MTMR7: variants seen among roughly 807,000 people sequenced by gnomAD.
MTMR7 encodes the protein phosphatidylinositol-3-phosphate phosphatase MTMR7.
Under a neutral mutation model 81.2 loss-of-function variants are expected in MTMR7, and 76 were observed. The ratio of observed to expected loss-of-function variants is 0.94; its 90% CI spans 0.78 to 1.13. The LOEUF (loss-of-function observed/expected upper bound fraction) is 1.13. Ranked by LOEUF, MTMR7 falls within the 50% of genes most tolerant of loss-of-function variation. The pLI is 0.00. For synonymous variants in MTMR7, 372 were observed against 289.8 expected, an observed-to-expected ratio of 1.28 and a Z score of -2.88; for missense variants, 1,044 against 820.0, an observed-to-expected ratio of 1.27 and a Z score of -3.34.
rs949454808 is a variant in MTMR7, at chr8:17,373,196, T to C, written c.69A>G (p.Ala23=). The change falls in exon 2 of 14, where the codon GCA becomes GCG. Residue 23 remains alanine, a synonymous_variant. Transcript: ENST00000180173. ...RLVDRVSPKK[A]ALGTLYLTAT... ...CCGTCAAATACAAAGTACCTAGAGC[T>C]GCTTTTTTAGGAGACACTCGATCTA... The C allele has an allele frequency of 6.2e-7, 1 of 1,613,400 alleles. No homozygotes were observed. The highest frequency in any genetic ancestry group is 8.5e-7 in the Non-Finnish European group (1 of 1,179,708).
chr8:17,374,128 A>C (rs1228189220), intron 1 of MTMR7, among the ~76,000 whole-genome samples: 1 of 152,172 alleles, frequency 6.6e-6, no homozygotes, highest in Admixed American at 6.5e-5. Context: ...CTCAAGCCAA[A>C]ATGGTATTTG....
At chr8:17,329,986 C>G (rs1818912628) in intron 7 of MTMR7, among the ~76,000 whole-genome samples, 1 of 152,186 alleles carries the variant, frequency 6.6e-6, no homozygotes. Context: ...CAAACTGTCA[C>G]AGCTGGAAGA....
At chr8:17,352,677 A>T (rs1281529152) in intron 4 of MTMR7, among the ~76,000 whole-genome samples, 3 of 152,350 alleles carry the variant, frequency 2.0e-5, no homozygotes, top group African/African-American at 7.2e-5. Flanking sequence ...ACAGAATGTG[A>T]GAAGCTATTA....
intron 1 of MTMR7, among the ~76,000 whole-genome samples, chr8:17,383,004 C>T (rs1292628135): frequency 1.1e-4 from 16 of 150,990 alleles, no homozygotes; most frequent in Admixed American, 6.6e-4. Context: ...GTCTTGAGAG[C>T]GGCTGGTGTT....
At chr8:17,354,229 G>A (rs1399002359) in intron 4 of MTMR7, among the ~76,000 whole-genome samples, 1 of 152,126 alleles carries the variant, frequency 6.6e-6, no homozygotes, top group East Asian at 1.9e-4. Flanking sequence ...AGAAGGAGGA[G>A]GTTATGAACA....
At chr8:17,387,606 T>C (rs17124483) in intron 1 of MTMR7, among the ~76,000 whole-genome samples, 10,623 of 152,284 alleles carry the variant, frequency 0.07, 1,025 homozygotes, top group African/African-American at 0.22. Flanking sequence ...GAAGAATGTA[T>C]CTATTTCCCA....
At chr8:17,359,584 T>A (rs199810698) in intron 4 of MTMR7, among the ~76,000 whole-genome samples, 3 of 135,610 alleles carry the variant, frequency 2.2e-5, no homozygotes, top group Non-Finnish European at 3.1e-5. Flanking sequence ...CCTGTTTCCT[T>A]AAAAAAAAAA....
At chr8:17,307,633 A>T (rs958965050) in intron 10 of MTMR7, among the ~76,000 whole-genome samples, 1 of 152,190 alleles carries the variant, frequency 6.6e-6, no homozygotes, top group Non-Finnish European at 1.5e-5. Flanking sequence ...CTTGGAACCA[A>T]CCTATATGTC....
intron 3 of MTMR7, among the ~76,000 whole-genome samples, chr8:17,366,899 C>T (rs987438649): frequency 8.5e-6 from 1 of 117,308 alleles, no homozygotes; most frequent in Non-Finnish European, 1.7e-5. Context: ...AAAAAAAAAA[C>T]TGTAGCTGAA....
rs753064902 is a variant in MTMR7, at chr8:17,305,839, A to C, written c.1270T>G (p.Leu424Val). ...PCAFEFNERF[L>V]IHIQHHIYSC... ...TAAATGTGATGTTGAATGTGAATCA[A>C]AAACCTCTCATTGAACTCAAAGGCA... Residue 424 changes from leucine (L) to valine (V), a missense_variant, in exon 11 of 14, where the codon TTG (leucine) becomes GTG (valine). Transcript: ENST00000180173. 1.9e-6 allele frequency: 3 copies of C among 1,613,726 alleles called. No homozygotes were observed. The highest frequency in any genetic ancestry group is 2.2e-5 in the South Asian group (2 of 91,066).
rs866317336 is a variant in MTMR7, at chr8:17,369,839, G to A, written c.310+1198C>T. On this transcript the variant is annotated intron_variant, in intron 3 of 13. Coordinates refer to ENST00000180173, the MANE Select transcript of MTMR7 (RefSeq NM_004686.5). ...TTTTTGTATTTTTAGTAGAGACGGGGTTTCGCCGTCTTAGCCAGGATGGTC... is the reference window on the plus strand; with the variant it reads ...TTTTTGTATTTTTAGTAGAGACGGGATTTCGCCGTCTTAGCCAGGATGGTC... Among the ~76,000 whole-genome samples, 39 of 151,768 alleles carry A rather than the reference G, an allele frequency of 2.6e-4. No homozygotes were observed. In the South Asian group the frequency reaches 2.7e-3, roughly 11 times the overall value.
In MTMR7 at chr8:17,297,134, T is replaced by C. The variant is rs1816718507; in HGVS notation, c.*2728A>G. On this transcript the variant is annotated 3_prime_UTR_variant, in exon 14 of 14. Coordinates refer to ENST00000180173, the MANE Select transcript of MTMR7 (RefSeq NM_004686.5). Reference sequence around the variant, plus strand: ...GGAAAAATGAAATGCATGTGAAAGTTTGTATTCTGATTTTACAAGATGAGA... The same window carrying C: ...GGAAAAATGAAATGCATGTGAAAGTCTGTATTCTGATTTTACAAGATGAGA... 3 of 152,298 alleles carry C rather than the reference T, an allele frequency of 2.0e-5. No individual in the cohort carries two copies. The South Asian group carries it at 6.2e-4, about 32-fold the overall frequency. 9.4% of individuals were successfully genotyped at this position (152,298 alleles called of 1,614,324 possible).
At chr8:17,361,982 T>C (rs1012533792) in intron 3 of MTMR7, among the ~76,000 whole-genome samples, 1 of 152,200 alleles carries the variant, frequency 6.6e-6, no homozygotes, top group African/African-American at 2.4e-5. Flanking sequence ...CCTTTGATGC[T>C]TGTGAAGCCC....
At chr8:17,411,928 G>A (rs890151342) in intron 1 of MTMR7, among the ~76,000 whole-genome samples, 13 of 152,214 alleles carry the variant, frequency 8.5e-5, no homozygotes, top group Non-Finnish European at 1.8e-4. Flanking sequence ...ATGGAAGGAG[G>A]AAGAATGCCC....
At chr8:17,346,997 C>A (rs903110154) in intron 5 of MTMR7, among the ~76,000 whole-genome samples, 1 of 151,282 alleles carries the variant, frequency 6.6e-6, no homozygotes, top group Non-Finnish European at 1.5e-5. Context: ...GAGCTCAAGA[C>A]CAGCCTGGGC....
chr8:17,372,050 C>G (rs1404987855), intron 2 of MTMR7, among the ~76,000 whole-genome samples: 1 of 151,990 alleles, frequency 6.6e-6, no homozygotes, highest in Admixed American at 6.6e-5. Flanking sequence ...CTCCCAGCCT[C>G]TGGTAAAACC....
chr8:17,330,620 G>A (rs992944848), intron 7 of MTMR7, among the ~76,000 whole-genome samples: 1 of 152,160 alleles, frequency 6.6e-6, no homozygotes, highest in African/African-American at 2.4e-5. Flanking sequence ...AAGTCTGTGG[G>A]TACGTGTCTT....
intron 1 of MTMR7, among the ~76,000 whole-genome samples, chr8:17,390,551 A>C (rs978498483): frequency 6.6e-6 from 1 of 152,168 alleles, no homozygotes; most frequent in Non-Finnish European, 1.5e-5. Flanking sequence ...AAAGCAGGAT[A>C]AGCAGTTGAG....
At chr8:17,412,141 T>G (rs551241319) in intron 1 of MTMR7, among the ~76,000 whole-genome samples, 1 of 152,376 alleles carries the variant, frequency 6.6e-6, no homozygotes, top group East Asian at 1.9e-4. Flanking sequence ...GAACTGACAT[T>G]CTCCAGCAAA....
Sources: allele counts gnomAD v4.1 joint callset (sites outside exome capture counted in the v4.1 genomes callset), GRCh38; gene constraint gnomAD v4.1.1; transcripts MANE v1.5; gene names NCBI Gene and HGNC (gene_info 2026-07-23, HGNC 2026-07-21).